LINGO2: variants seen among roughly 807,000 people sequenced by gnomAD.
LINGO2 encodes the protein leucine rich repeat and Ig domain containing 2.
A neutral mutation model predicts 30.6 loss-of-function variants in LINGO2; 14 were observed. The ratio of observed to expected loss-of-function variants is 0.46; its 90% CI spans 0.30 to 0.72. LINGO2 has a LOEUF of 0.72. Ranked by LOEUF, LINGO2 falls within the 30% of genes least tolerant of loss-of-function variation. LINGO2 has a pLI of 0.07. For synonymous variants in LINGO2, 317 were observed against 288.5 expected, an observed-to-expected ratio of 1.10 and a Z score of -1.00; for missense variants, 729 against 751.7, an observed-to-expected ratio of 0.97 and a Z score of 0.35.
At chr9:28,247,408 A>G (rs1822041986) in intron 4 of LINGO2, among the ~76,000 whole-genome samples, 1 of 152,234 alleles carries the variant, frequency 6.6e-6, no homozygotes, top group Non-Finnish European at 1.5e-5. Flanking sequence ...ACCATGGAAT[A>G]TTATGCAGCC....
the LINGO2 span, among the ~76,000 whole-genome samples, chr9:29,123,118 A>G: frequency 2.0e-5 from 3 of 152,118 alleles, no homozygotes; most frequent in Admixed American, 6.6e-5. Flanking sequence ...AGGACAGAAC[A>G]GAACAGTTAG....
intron 3 of LINGO2, among the ~76,000 whole-genome samples, chr9:28,366,029 C>T (rs1820658916): frequency 6.6e-6 from 1 of 152,108 alleles, no homozygotes; most frequent in Non-Finnish European, 1.5e-5. Context: ...TGAACTTTTT[C>T]ACAATGTTAA....
the LINGO2 span, among the ~76,000 whole-genome samples, chr9:28,910,142 A>C: frequency 6.6e-6 from 1 of 151,974 alleles, no homozygotes; most frequent in African/African-American, 2.4e-5. Flanking sequence ...CCCTTTTTTG[A>C]GTACTTTCAA....
intron 4 of LINGO2, among the ~76,000 whole-genome samples, chr9:28,216,745 T>A (rs537522283): frequency 6.6e-6 from 1 of 152,044 alleles, no homozygotes; most frequent in East Asian, 1.9e-4. Context: ...TTCTTAGAAC[T>A]AAAATGGCTC....
chr9:28,274,284 G>A (rs542565221), intron 4 of LINGO2, among the ~76,000 whole-genome samples: 1 of 151,876 alleles, frequency 6.6e-6, no homozygotes, highest in South Asian at 2.1e-4. Context: ...ATTATTCCAA[G>A]ACCCATTTCT....
intron 4 of LINGO2, among the ~76,000 whole-genome samples, chr9:28,110,023 C>T (rs1826726189): frequency 6.6e-6 from 1 of 152,134 alleles, no homozygotes; most frequent in Non-Finnish European, 1.5e-5. Flanking sequence ...ACCAAAACCG[C>T]ATGGTACTGG....
the LINGO2 span, among the ~76,000 whole-genome samples, chr9:28,781,619 A>G: frequency 4.1e-4 from 63 of 152,170 alleles, no homozygotes; most frequent in African/African-American, 1.4e-3. Context: ...CATGGAGTGA[A>G]CATCATTTTA....
At chr9:28,825,987 A>G in the LINGO2 span, among the ~76,000 whole-genome samples, 1 of 152,182 alleles carries the variant, frequency 6.6e-6, no homozygotes, top group Non-Finnish European at 1.5e-5. Flanking sequence ...CTCAAGTCTT[A>G]ATGTTATTTT....
chr9:29,064,624 A>G, the LINGO2 span, among the ~76,000 whole-genome samples: 1 of 152,100 alleles, frequency 6.6e-6, no homozygotes, highest in Admixed American at 6.6e-5. Context: ...ACTGAAGTAG[A>G]AAGAAAAGTA....
chr9:28,982,333 G>A, the LINGO2 span, among the ~76,000 whole-genome samples: 7 of 151,946 alleles, frequency 4.6e-5, no homozygotes, highest in African/African-American at 1.2e-4. Context: ...GTCTTTTGGC[G>A]GTAGAAAATG....
At chr9:28,120,169 A>C (rs1827053433) in intron 4 of LINGO2, among the ~76,000 whole-genome samples, 1 of 152,208 alleles carries the variant, frequency 6.6e-6, no homozygotes, top group African/African-American at 2.4e-5. Context: ...TACATAGACC[A>C]TAAAAGCCTC....
At position 28,440,833 on chromosome 9, in the gene LINGO2, A is replaced by C. The variant is rs79400195; in HGVS notation, c.-279+35107T>G. Among the ~76,000 whole-genome samples the C allele has an allele frequency of 9.5e-3, 1,441 of 152,322 alleles. 23 individuals carry two copies. The highest frequency in any genetic ancestry group is 0.033 in the African/African-American group (1,358 of 41,566). ...CTATCAGTTATGCAAATGAGAGCAA[A>C]GCATTTTAAAGTTTTCCCAGTTCAC... On this transcript the variant is annotated intron_variant, in intron 2 of 5. Transcript: ENST00000379992.
chr9:28,845,226 T>C, the LINGO2 span, among the ~76,000 whole-genome samples: 2 of 152,046 alleles, frequency 1.3e-5, no homozygotes, highest in South Asian at 4.1e-4. Context: ...CCAGATGCTC[T>C]TGAATTGGGA....
At chr9:28,949,943 C>T in the LINGO2 span, among the ~76,000 whole-genome samples, 1 of 152,156 alleles carries the variant, frequency 6.6e-6, no homozygotes, top group African/African-American at 2.4e-5. Flanking sequence ...TTGGCTTCAT[C>T]CCTGGGATGC....
intron 2 of LINGO2, among the ~76,000 whole-genome samples, chr9:28,404,900 T>TTGTGTGTGTG (rs60281661): frequency 0.03 from 3,077 of 102,526 alleles, 54 homozygotes; most frequent in African/African-American, 0.047. Flanking sequence ...CTCAGCCGCT[T>TTGTGTGTGTG]TGTGTGTGTG....
intron 1 of LINGO2, among the ~76,000 whole-genome samples, chr9:28,623,225 G>C (rs568119630): frequency 8.6e-5 from 13 of 151,874 alleles, no homozygotes; most frequent in Non-Finnish European, 1.5e-4. Context: ...TTTTGCTTTT[G>C]TTGTTTGTGC....
chr9:29,178,423 T>C, the LINGO2 span, among the ~76,000 whole-genome samples: 3 of 152,310 alleles, frequency 2.0e-5, no homozygotes, highest in Non-Finnish European at 2.9e-5. Flanking sequence ...ATCTATCTAT[T>C]TGCTCATTCA....
intron 2 of LINGO2, among the ~76,000 whole-genome samples, chr9:28,428,964 G>C (rs1350806283): frequency 2.0e-5 from 3 of 152,144 alleles, no homozygotes; most frequent in Non-Finnish European, 4.4e-5. Flanking sequence ...GTAGCTCTAA[G>C]TGAACATGAT....
rs375832921 is a variant in LINGO2, at chr9:28,051,927, AAC to A, written c.-86-39524_-86-39523del. 2.8e-3 allele frequency among the ~76,000 whole-genome samples: 433 copies of A among 152,210 alleles called. 14 individuals are homozygous for A. The South Asian group carries it at 0.063, about 22-fold the overall frequency. On this transcript the variant is annotated intron_variant, in intron 4 of 5. Transcript: ENST00000379992. Reference sequence around the variant, plus strand: ...GAGTTTCTTATACCTAACAATAAAAAACACAGAATATTCAAAATCATAATTGC... The same window carrying A: ...GAGTTTCTTATACCTAACAATAAAAAACAGAATATTCAAAATCATAATTGC...
Sources: allele counts gnomAD v4.1 joint callset (sites outside exome capture counted in the v4.1 genomes callset), GRCh38; gene constraint gnomAD v4.1.1; transcripts MANE v1.5; gene names NCBI Gene and HGNC (gene_info 2026-07-23, HGNC 2026-07-21).